Variants in EVC2 observed in about 807,000 individuals in gnomAD.
EVC2 encodes EvC ciliary complex subunit 2, also known as limbin.
In EVC2, 148 loss-of-function variants were observed where a neutral mutation model predicts 149.3. That is an observed-to-expected ratio of 0.99 (90% CI 0.87 to 1.14). EVC2 has a LOEUF of 1.14. EVC2 is among the 50% of genes most tolerant of loss of function. EVC2 has a pLI of 0.00. For synonymous variants in EVC2, 776 were observed against 649.9 expected, an observed-to-expected ratio of 1.19 and a Z score of -2.95; for missense variants, 1,854 against 1,627.3, an observed-to-expected ratio of 1.14 and a Z score of -2.40.
chr4:5,576,276 C>A lies in EVC2; in HGVS notation c.3236G>T (p.Ser1079Ile). The change falls in exon 18 of 22, where the codon AGC (serine) becomes ATC (isoleucine). Residue 1079 changes from serine (S) to isoleucine (I), a missense_variant. Ser to Ile is a moderately radical substitution (Grantham distance 142). Transcript: ENST00000344408. The surrounding 1 kb of genome is among the most constrained non-coding windows in gnomAD (Gnocchi z 4.5). Reference sequence around the variant, plus strand: ...TTGCTCCAGTAATGTCTGGCTCTTGCTCAGGGCTTGGTGCAGGACAGTAGA... The same window carrying A: ...TTGCTCCAGTAATGTCTGGCTCTTGATCAGGGCTTGGTGCAGGACAGTAGA... ...QVSTVLHQALSKSQTLLEQHQ... is the reference protein window; with the variant it reads ...QVSTVLHQALIKSQTLLEQHQ... The A allele has an allele frequency of 6.2e-7, 1 of 1,614,166 alleles. No homozygotes were observed. Among genetic ancestry groups the A allele is most frequent in the South Asian group, 1.1e-5 (1 of 91,082 alleles).
At chr4:5,615,308 G>A in intron 16 of EVC2, 114 bp downstream of exon 16, 1 of 1,542,414 alleles carries the variant, frequency 6.5e-7, no homozygotes. Flanking sequence ...TGAGCGGTTG[G>A]GTGGAGATGG....
intron 4 of EVC2, 109 bp downstream of exon 4, chr4:5,691,156 G>C: frequency 1.0e-6 from 1 of 954,870 alleles, no homozygotes; most frequent in Non-Finnish European, 1.7e-6. Context: ...CTAGACTTGT[G>C]TAGGTAAGCC....
intron 7 of EVC2, 103 bp from the exon 8 acceptor site, chr4:5,665,752 G>A: frequency 1.3e-6 from 2 of 1,525,560 alleles, no homozygotes; most frequent in Middle Eastern, 2.3e-4. Context: ...AGGGACCAGG[G>A]GACTCGCTTG....
downstream of EVC2, among the ~76,000 whole-genome samples, chr4:5,541,069 G>A (rs1181142211): frequency 1.3e-5 from 2 of 152,140 alleles, no homozygotes; most frequent in Non-Finnish European, 2.9e-5. Context: ...AGCTGCCGCT[G>A]GCCTTTTCCG....
At chr4:5,638,607 A>G (rs1717067211) in intron 10 of EVC2, among the ~76,000 whole-genome samples, 1 of 151,844 alleles carries the variant, frequency 6.6e-6, no homozygotes, top group South Asian at 2.1e-4. Flanking sequence ...TGACACTCCC[A>G]CCCCCCAAAA....
At chr4:5,658,625 G>A (rs756206263) in intron 9 of EVC2, among the ~76,000 whole-genome samples, 2 of 152,032 alleles carry the variant, frequency 1.3e-5, no homozygotes, top group Admixed American at 1.3e-4. Flanking sequence ...TTTGTCTTAC[G>A]TTCTTTGACT....
In EVC2 at chr4:5,640,157, G is replaced by C. The variant is rs988023952; in HGVS notation, c.1470+357C>G. ...TAAATTGTTGGATGGGTGATGGGTGGCATGGATGGGAGGGTGGATAAATGA... is the reference window on the plus strand; with the variant it reads ...TAAATTGTTGGATGGGTGATGGGTGCCATGGATGGGAGGGTGGATAAATGA... On this transcript the variant is annotated intron_variant, in intron 10 of 21. Transcript: ENST00000344408. This position sits in a 1 kb window ranked among gnomAD's most constrained non-coding sequence, Gnocchi z 4.6. 6.6e-6 allele frequency among the ~76,000 whole-genome samples: 1 copy of C among 152,048 alleles called. No individual in the cohort carries two copies. Among genetic ancestry groups the C allele is most frequent in the Non-Finnish European group, 1.5e-5 (1 of 67,986 alleles).
rs898145755 is a variant in EVC2, at chr4:5,696,797, C to T, written c.283+796G>A. On this transcript the variant is annotated intron_variant, in intron 2 of 21. Transcript: ENST00000344408. This position sits in a 1 kb window ranked among gnomAD's most constrained non-coding sequence, Gnocchi z 4.1. ...GATGAAATGAGTGTCAGTTGAATTT[C>T]GACCACTGAGTGTGGCAAGCTGAAT... is the stretch of plus-strand genomic sequence containing the variant. Among the ~76,000 whole-genome samples the T allele has an allele frequency of 7.2e-5, 11 of 152,134 alleles. No homozygotes were observed. The highest frequency in any genetic ancestry group is 1.7e-4 in the African/African-American group (7 of 41,420).
At chr4:5,671,840 C>A (rs562430084) in intron 7 of EVC2, among the ~76,000 whole-genome samples, 10 of 152,218 alleles carry the variant, frequency 6.6e-5, no homozygotes, top group Non-Finnish European at 1.3e-4. Context: ...AGAATTCTTA[C>A]ATCCATTTCA....
At chr4:5,560,757 A>G (rs754867619), downstream of EVC2, among the ~76,000 whole-genome samples, 2 of 152,146 alleles carry the variant, frequency 1.3e-5, no homozygotes, top group Non-Finnish European at 2.9e-5. This position sits in a 1 kb window ranked among gnomAD's most constrained non-coding sequence, Gnocchi z 4.1. Context: ...TAGTATCTTC[A>G]CTCTTTACAA....
chr4:5,539,109 A>T (rs1293742509), downstream of EVC2, among the ~76,000 whole-genome samples: 2 of 152,210 alleles, frequency 1.3e-5, no homozygotes, highest in Non-Finnish European at 2.9e-5. Flanking sequence ...AGCTTGAAAG[A>T]TTCAACTAAA....
chr4:5,593,685 G>A (rs1358959093), intron 16 of EVC2, among the ~76,000 whole-genome samples: 1 of 152,126 alleles, frequency 6.6e-6, no homozygotes, highest in Non-Finnish European at 1.5e-5. Context: ...GAGGTACCGG[G>A]ATCATCTCAC....
At chr4:5,540,593 T>C (rs1206481065), downstream of EVC2, among the ~76,000 whole-genome samples, 2 of 152,166 alleles carry the variant, frequency 1.3e-5, no homozygotes, top group Non-Finnish European at 2.9e-5. Context: ...TTATATAAAA[T>C]GCTTTAAAAT....
chr4:5,538,047 G>C (rs1405487980), downstream of EVC2, among the ~76,000 whole-genome samples: 2 of 145,372 alleles, frequency 1.4e-5, no homozygotes. Flanking sequence ...TAGCCAAACT[G>C]ATCTGGAAAG....
chr4:5,585,821 T>G (rs964284840), intron 16 of EVC2, among the ~76,000 whole-genome samples: 3 of 152,038 alleles, frequency 2.0e-5, no homozygotes, highest in African/African-American at 7.3e-5. Flanking sequence ...TTTTTATAAG[T>G]GGAGTCATAC....
chr4:5,645,068 T>C (rs1464295712), intron 9 of EVC2, among the ~76,000 whole-genome samples: 1 of 152,164 alleles, frequency 6.6e-6, no homozygotes, highest in Non-Finnish European at 1.5e-5. Context: ...GATCACATGT[T>C]GGTTCTATTT....
At position 5,591,415 on chromosome 4, in the gene EVC2, T is replaced by C. The variant is rs113024426; in HGVS notation, c.2830-6565A>G. Among the ~76,000 whole-genome samples, 211 of 152,060 alleles carry C rather than the reference T, an allele frequency of 1.4e-3. 1 individual carries two copies. Among genetic ancestry groups the C allele is most frequent in the African/African-American group, 4.5e-3 (189 of 41,544 alleles). On this transcript the variant is annotated intron_variant, in intron 16 of 21. Coordinates refer to ENST00000344408, the MANE Select transcript of EVC2 (RefSeq NM_147127.5). Reference sequence around the variant, plus strand: ...AGTCTTCCTTATTACATGCCTGCCATGCGCTAGGGTTTTCACGTTATCCTT... The same window carrying C: ...AGTCTTCCTTATTACATGCCTGCCACGCGCTAGGGTTTTCACGTTATCCTT...
chr4:5,653,018 G>A (rs892409202), intron 9 of EVC2, among the ~76,000 whole-genome samples: 3 of 152,150 alleles, frequency 2.0e-5, no homozygotes, highest in African/African-American at 7.2e-5. Context: ...GGGAGGATCC[G>A]TTCCATGCCA....
At chr4:5,538,062 A>AG (rs1313631577), downstream of EVC2, among the ~76,000 whole-genome samples, 10 of 145,978 alleles carry the variant, frequency 6.9e-5, no homozygotes, top group African/African-American at 2.2e-4. Context: ...GGAAAGAAAT[A>AG]GAAAAAAAAA....
Sources: gnomAD v4.1 joint callset for allele counts (sites outside exome capture counted in the v4.1 genomes callset) on GRCh38, gnomAD v4.1.1 for gene constraint, Gnocchi (gnomAD v3.1) non-coding constraint, MANE v1.5 for transcripts, NCBI Gene and HGNC (gene_info 2026-07-23, HGNC 2026-07-21) for gene names.